Variants in PARP4 observed in about 807,000 individuals in gnomAD.
PARP4 encodes the protein poly(ADP-ribose) polymerase family member 4.
Under a neutral mutation model 187.7 loss-of-function variants are expected in PARP4, and 120 were observed. That is an observed-to-expected ratio of 0.64 (90% CI 0.55 to 0.74). The LOEUF (loss-of-function observed/expected upper bound fraction) is 0.74, where lower values mean the gene tolerates loss of function less well. Ranked by LOEUF, PARP4 falls within the 30% of genes least tolerant of loss-of-function variation. PARP4 has a pLI of 0.00. For missense variants in PARP4, 1,836 were observed against 2,070.5 expected (o/e 0.89, Z 2.20); for synonymous variants, 654 against 740.9 (o/e 0.88, Z 1.90).
In PARP4 at chr13:24,486,247, C is replaced by G. The variant is rs1566014367; in HGVS notation, c.1273G>C (p.Glu425Gln). 1 of 1,612,166 alleles carries G rather than the reference C, an allele frequency of 6.2e-7. No individual in the cohort carries two copies. The highest frequency in any genetic ancestry group is 1.7e-5 in the Admixed American group (1 of 60,002). ...FRVGRVNETT[E>Q]FLSKLGNVRP... is the part of the protein sequence containing the mutation. Reference sequence around the variant, plus strand: ...ACATTACCAAGTTTGCTCAAAAACTCTGTGGTTTCATTCACTCTGCCAACT... The same window carrying G: ...ACATTACCAAGTTTGCTCAAAAACTGTGTGGTTTCATTCACTCTGCCAACT... Residue 425 changes from glutamate (E) to glutamine (Q), a missense_variant, in exon 11 of 34, where the codon GAG (glutamate) becomes CAG (glutamine). Glu to Gln is a conservative substitution (Grantham distance 29). This residue lies in a region of PARP4 where 1,147 missense variants were observed against 1,214.2 expected (regional missense o/e 0.94). Coordinates refer to ENST00000381989, the MANE Select transcript of PARP4 (RefSeq NM_006437.4).
intron 17 of PARP4, among the ~76,000 whole-genome samples, chr13:24,463,416 G>T (rs921119966): frequency 1.3e-5 from 2 of 152,086 alleles, no homozygotes; most frequent in Non-Finnish European, 2.9e-5. Flanking sequence ...AGATTTCTTT[G>T]TATCTATAGA....
rs768511270 is a variant in PARP4 at position 24,486,227 on chromosome 13, A to G, written c.1293T>C (p.Gly431=). The change falls in exon 11 of 34, where the codon GGT becomes GGC. Residue 431 remains glycine, a synonymous_variant. Transcript: ENST00000381989. ...AACCATGCAACAAGGGCCTCACATT[A>G]CCAAGTTTGCTCAAAAACTCTGTGG... ...NETTEFLSKL[G]NVRPLLHGSP... The G allele has an allele frequency of 7.4e-6, 12 of 1,613,924 alleles. No individual in the cohort carries two copies. The South Asian group carries it at 1.3e-4, about 18-fold the overall frequency.
chr13:24,425,026 G>A (rs1399201834), intron 33 of PARP4, among the ~76,000 whole-genome samples: 2 of 151,824 alleles, frequency 1.3e-5, no homozygotes, highest in African/African-American at 4.8e-5. Flanking sequence ...CCCAGGATGG[G>A]CACAGTGGTT....
At chr13:24,511,585 A>G (rs1593666459) in intron 1 of PARP4, among the ~76,000 whole-genome samples, 1 of 152,216 alleles carries the variant, frequency 6.6e-6, no homozygotes, top group Admixed American at 6.5e-5. Flanking sequence ...GGTGGAATCA[A>G]GTGGCTTCCT....
chr13:24,501,110 T>C (rs1472332368), intron 3 of PARP4, among the ~76,000 whole-genome samples: 3 of 152,230 alleles, frequency 2.0e-5, no homozygotes, highest in African/African-American at 7.2e-5. Context: ...ACATACCGTG[T>C]GCTTACTGTG....
At position 24,460,042 on chromosome 13, in the gene PARP4, A is replaced by G. The variant is rs574930813; in HGVS notation, c.2228T>C (p.Val743Ala). Residue 743 changes from valine to alanine, a missense_variant, in exon 18 of 34, where the codon GTT (valine) becomes GCT (alanine). This residue lies in a region of PARP4 where 1,147 missense variants were observed against 1,214.2 expected (regional missense o/e 0.94). Transcript: ENST00000381989. The stretch of plus-strand genomic sequence containing the variant: ...GGTGGCGGGCATGAAAAAGACACCA[A>G]CAGTGCCCAGGATGCTGAGTTCTGT... The part of the protein sequence containing the change: ...YITELSILGT[V>A]GVFFMPATVA... The G allele has an allele frequency of 1.2e-5, 19 of 1,614,022 alleles. No individual in the cohort carries two copies. In the Admixed American group the frequency reaches 1.5e-4, roughly 13 times the overall value.
intron 1 of PARP4, among the ~76,000 whole-genome samples, chr13:24,508,638 C>T (rs1226133034): frequency 6.6e-6 from 1 of 152,150 alleles, no homozygotes; most frequent in Non-Finnish European, 1.5e-5. Flanking sequence ...ATCAGCCTCC[C>T]GAGTAGCTGG....
In PARP4 at chr13:24,499,387, T is replaced by G; in HGVS notation, c.402-11A>C. ...TTCTGCATACCAAACCTGAAATTTG[T>G]AGTGTATAATTAAAATTTTAACATT... On this transcript the variant is annotated splice_polypyrimidine_tract_variant and intron_variant, in intron 4 of 33. Transcript: ENST00000381989. 6.4e-7 allele frequency: 1 copy of G among 1,557,942 alleles called. No individual in the cohort carries two copies. The highest frequency in any genetic ancestry group is 8.6e-7 in the Non-Finnish European group (1 of 1,159,546).
chr13:24,434,853 G>A lies in PARP4; in HGVS notation c.4288C>T (p.Pro1430Ser). ...TGAAGCTGGGGAGAATCCAGCTCAG[G>A]GAAGGTGCCAGCAGAAGGCCTGGTA... The part of the protein sequence containing the change: ...FTTRPSAGTF[P>S]ELDSPQLHFS... The change falls in exon 31 of 34, where the codon CCT becomes TCT. Residue 1430 changes from proline to serine, a missense_variant. Pro to Ser is a moderately conservative substitution (Grantham distance 74). This residue lies in a region of PARP4 where 450 missense variants were observed against 439.2 expected (regional missense o/e 1.02). Transcript: ENST00000381989. 6.2e-7 allele frequency: 1 copy of A among 1,614,108 alleles called. No individual in the cohort carries two copies. Among genetic ancestry groups the A allele is most frequent in the Non-Finnish European group, 8.5e-7 (1 of 1,180,018 alleles).
At position 24,475,430 on chromosome 13, in the gene PARP4, C is replaced by T; in HGVS notation, c.1914+42G>A. 6 of 1,567,668 alleles carry T rather than the reference C, an allele frequency of 3.8e-6. No individual in the cohort carries two copies. The African/African-American group carries it at 5.4e-5, about 14-fold the overall frequency. On this transcript the variant is annotated intron_variant, in intron 15 of 33. Coordinates refer to ENST00000381989, the MANE Select transcript of PARP4 (RefSeq NM_006437.4). ...CAATCAAATTCTCATGTATGGTTTACATCCATGTAGTTTAAGTGTCATAAA... is the reference window on the plus strand; with the variant it reads ...CAATCAAATTCTCATGTATGGTTTATATCCATGTAGTTTAAGTGTCATAAA...
chr13:24,442,937 C>A (rs1871021304), intron 28 of PARP4, among the ~76,000 whole-genome samples: 1 of 152,052 alleles, frequency 6.6e-6, no homozygotes, highest in East Asian at 1.9e-4. Flanking sequence ...CAGTCTGTGG[C>A]TCCCAATTTA....
intron 1 of PARP4, among the ~76,000 whole-genome samples, chr13:24,505,623 G>A (rs1365151317): frequency 1.3e-5 from 2 of 152,182 alleles, no homozygotes; most frequent in Non-Finnish European, 2.9e-5. Flanking sequence ...GCTAACGCTG[G>A]GTTCAAGCAA....
At chr13:24,442,854 G>A (rs3816220) in intron 28 of PARP4, among the ~76,000 whole-genome samples, 169 bp from the exon 29 acceptor site, 142,971 of 152,306 alleles carry the variant, frequency 0.94, 67,234 homozygotes, top group East Asian at 0.99. Context: ...GTCATAGAAA[G>A]TGTCGCTCTT....
intron 17 of PARP4, among the ~76,000 whole-genome samples, chr13:24,465,993 A>G (rs1415718460): frequency 6.6e-6 from 1 of 152,186 alleles, no homozygotes; most frequent in African/African-American, 2.4e-5. Flanking sequence ...ATAGTAGTAA[A>G]CCCTAAAGCA....
chr13:24,422,086 A>G (rs1489067104), intron 33 of PARP4, among the ~76,000 whole-genome samples: 1 of 152,190 alleles, frequency 6.6e-6, no homozygotes, highest in Non-Finnish European at 1.5e-5. Context: ...GGCCGTCAGT[A>G]TAGCGTGGTG....
rs752782317 is a variant in PARP4, at chr13:24,452,585, T to C, written c.2835A>G (p.Thr945=). ...AGAAGTCTGTGTTCCCCATGGTAGG[T>C]GTGGCAGACTGGAGGAAATGAAGTG... ...TMAAEFIMSA[T]PTMGNTDFWK... is the part of the protein sequence containing the mutation. Residue 945 remains threonine, a synonymous_variant, in exon 24 of 34, where the codon ACA becomes ACG. Coordinates refer to ENST00000381989, the MANE Select transcript of PARP4 (RefSeq NM_006437.4). 28 of 1,611,482 alleles carry C rather than the reference T, an allele frequency of 1.7e-5. No individual in the cohort carries two copies. The highest frequency in any genetic ancestry group is 2.3e-5 in the Non-Finnish European group (27 of 1,178,656).
At chr13:24,502,316 A>C (rs1245871696) in intron 2 of PARP4, among the ~76,000 whole-genome samples, 1 of 152,162 alleles carries the variant, frequency 6.6e-6, no homozygotes, top group Non-Finnish European at 1.5e-5. Context: ...TACAGGCATG[A>C]GCCAACATGC....
At chr13:24,455,982 A>G (rs1871824004) in intron 21 of PARP4, among the ~76,000 whole-genome samples, 1 of 152,110 alleles carries the variant, frequency 6.6e-6, no homozygotes, top group Non-Finnish European at 1.5e-5. Context: ...ACACAAAATG[A>G]TCTTATTACC....
At chr13:24,491,571 T>C (rs2137531151) in intron 9 of PARP4, among the ~76,000 whole-genome samples, 1 of 152,362 alleles carries the variant, frequency 6.6e-6, no homozygotes, top group East Asian at 1.9e-4. Flanking sequence ...CATGCAAAAT[T>C]TCACATCTAT....
Sources: allele counts gnomAD v4.1 joint callset (sites outside exome capture counted in the v4.1 genomes callset), GRCh38; gene constraint gnomAD v4.1.1; regional missense constraint gnomAD v4.1.1; transcripts MANE v1.5; gene names NCBI Gene and HGNC (gene_info 2026-07-23, HGNC 2026-07-21).